Variants in NUP153 observed in about 807,000 individuals in gnomAD.
The protein encoded by NUP153 is nucleoporin 153.
NUP153 carries 27 observed loss-of-function variants against 134.6 expected under a neutral mutation model. The observed-to-expected ratio is 0.20, with a 90% CI of 0.15 to 0.28. The LOEUF (loss-of-function observed/expected upper bound fraction) is 0.28, where lower values mean the gene tolerates loss of function less well. Ranked by LOEUF, NUP153 falls within the 10% of genes least tolerant of loss-of-function variation. The pLI is 1.00. For synonymous variants in NUP153, 640 were observed against 623.5 expected, an observed-to-expected ratio of 1.03 and a Z score of -0.40; for missense variants, 1,821 against 1,731.3, an observed-to-expected ratio of 1.05 and a Z score of -0.92.
rs552750517 is a variant in NUP153 at position 17,654,351 on chromosome 6, C to T, written c.1396-5051G>A. 2.9e-3 allele frequency among the ~76,000 whole-genome samples: 441 copies of T among 150,240 alleles called. 2 individuals are homozygous for T. The highest frequency in any genetic ancestry group is 9.8e-3 in the African/African-American group (401 of 40,892). On this transcript the variant is annotated intron_variant, in intron 11 of 21. Transcript: ENST00000262077. Reference sequence around the variant, plus strand: ...TTTTTTTTTTTTTGAGACGGAGTTTCGATCTTGTTGCCCGGGCCGGACTGC... The same window carrying T: ...TTTTTTTTTTTTTGAGACGGAGTTTTGATCTTGTTGCCCGGGCCGGACTGC...
chr6:17,666,369 G>C (rs1000912656), intron 8 of NUP153, among the ~76,000 whole-genome samples: 1 of 151,992 alleles, frequency 6.6e-6, no homozygotes, highest in Admixed American at 6.6e-5. Flanking sequence ...GTAAAAATTA[G>C]CCAGGCGTGG....
rs1241422516 is a variant in NUP153, at chr6:17,625,682, G to C, written c.3901+126C>G. ...ACAGTGAATAATTAAAACAACCCTG[G>C]TATAGATGACCAAAAGGCATTCCCA... On this transcript the variant is annotated intron_variant, in intron 19 of 21. Coordinates refer to ENST00000262077, the MANE Select transcript of NUP153 (RefSeq NM_005124.4). The surrounding 1 kb of genome is among the most constrained non-coding windows in gnomAD (Gnocchi z 4.7). 4 of 722,000 alleles carry C rather than the reference G, an allele frequency of 5.5e-6. No individual in the cohort carries two copies. The South Asian group carries it at 7.0e-5, about 13-fold the overall frequency. The allele number at this position is 722,000 out of a possible 1,614,324, so 44.7% of individuals were successfully genotyped here. A position where few individuals can be genotyped will look rare whatever the true frequency, so the allele number is the denominator to read the frequency against.
At chr6:17,691,519 C>T (rs756080390) in intron 1 of NUP153, among the ~76,000 whole-genome samples, 2 of 152,200 alleles carry the variant, frequency 1.3e-5, no homozygotes, top group Non-Finnish European at 2.9e-5. Flanking sequence ...AATCTCAGCA[C>T]TTTGGGAGGC....
At chr6:17,671,833 C>T (rs1438749508) in intron 5 of NUP153, among the ~76,000 whole-genome samples, 1 of 152,060 alleles carries the variant, frequency 6.6e-6, no homozygotes, top group East Asian at 1.9e-4. Flanking sequence ...CATGGTAAAA[C>T]CCTGTCTCTA....
intron 13 of NUP153, 71 bp from the exon 14 acceptor site, chr6:17,646,225 C>G: frequency 1.3e-6 from 1 of 778,378 alleles, no homozygotes. Context: ...TTTATTCCCC[C>G]GAGACGGAGT....
intron 1 of NUP153, among the ~76,000 whole-genome samples, chr6:17,701,848 A>AGGGGGGGGGGGGG (rs1561917012): frequency 1.1e-5 from 1 of 90,276 alleles, no homozygotes; most frequent in African/African-American, 4.0e-5. Context: ...GGGGGGGAAA[A>AGGGGGGGGGGGGG]AAGCTAAATG....
intron 15 of NUP153, among the ~76,000 whole-genome samples, chr6:17,639,513 T>G (rs1453926908): frequency 6.6e-6 from 1 of 152,242 alleles, no homozygotes; most frequent in Non-Finnish European, 1.5e-5. Flanking sequence ...CTTGCTTCAA[T>G]TCAAGTGAGT....
At chr6:17,697,251 T>A (rs935297201) in intron 1 of NUP153, among the ~76,000 whole-genome samples, 6 of 152,182 alleles carry the variant, frequency 3.9e-5, no homozygotes, top group Non-Finnish European at 2.9e-5. Flanking sequence ...TGGCAAAACA[T>A]GTCAAAAATG....
At chr6:17,637,833 GATT>G (rs1219363242) in intron 15 of NUP153, 63 bp from the exon 16 acceptor site, 9 of 1,501,906 alleles carry the variant, frequency 6.0e-6, no homozygotes, top group South Asian at 2.6e-5. Context: ...GCATTAATTT[GATT>G]ATTATTACTG....
rs757863134 is a variant in NUP153, at chr6:17,616,546, G to A, written c.4324C>T (p.Pro1442Ser). The A allele has an allele frequency of 1.2e-6, 2 of 1,613,160 alleles. No individual in the cohort carries two copies. Among genetic ancestry groups the A allele is most frequent in the African/African-American group, 1.3e-5 (1 of 74,834 alleles). The change falls in exon 21 of 22, where the codon CCA becomes TCA. Residue 1442 changes from proline (P) to serine (S), a missense_variant. Coordinates refer to ENST00000262077, the MANE Select transcript of NUP153 (RefSeq NM_005124.4). ...GSGGFPFNQS[P>S]AAFTVGSNGK... The stretch of plus-strand genomic sequence containing the variant: ...TCTTACCCCACTGTAAATGCTGCTG[G>A]AGACTGGTTAAATGGAAAGCCCCCC...
intron 20 of NUP153, among the ~76,000 whole-genome samples, chr6:17,620,622 G>A (rs950752541): frequency 3.9e-5 from 6 of 152,154 alleles, no homozygotes; most frequent in African/African-American, 9.7e-5. Flanking sequence ...GCCCAGGATG[G>A]CTCTGAATGC....
In NUP153 at chr6:17,629,011, A is replaced by C; in HGVS notation, c.3188T>G (p.Phe1063Cys). 1 of 1,614,188 alleles carries C rather than the reference A, an allele frequency of 6.2e-7. No homozygotes were observed. The highest frequency in any genetic ancestry group is 1.7e-5 in the Admixed American group (1 of 60,016). Reference protein sequence around the residue: ...IETKSASVAPFTCKTSEAKKE... With the variant: ...IETKSASVAPCTCKTSEAKKE... ...TTTAGCTTCTGATGTCTTACATGTGAAAGGAGCCACTGAAGCACTCTTGGT... is the reference window on the plus strand; with the variant it reads ...TTTAGCTTCTGATGTCTTACATGTGCAAGGAGCCACTGAAGCACTCTTGGT... The change falls in exon 18 of 22, where the codon TTC becomes TGC. Residue 1063 changes from phenylalanine (F) to cysteine (C), a missense_variant. Phe to Cys is a radical substitution (Grantham distance 205). Transcript: ENST00000262077.
chr6:17,621,091 C>G (rs1365244777), intron 20 of NUP153, among the ~76,000 whole-genome samples: 1 of 152,114 alleles, frequency 6.6e-6, no homozygotes, highest in Non-Finnish European at 1.5e-5. Flanking sequence ...ACACAACACA[C>G]AAATGGCCAA....
chr6:17,672,019 A>G (rs1022581688), intron 5 of NUP153, among the ~76,000 whole-genome samples: 1 of 152,100 alleles, frequency 6.6e-6, no homozygotes, highest in Non-Finnish European at 1.5e-5. Flanking sequence ...AAAATAAAAA[A>G]AGCAATTCCA....
intron 9 of NUP153, among the ~76,000 whole-genome samples, chr6:17,663,344 C>T (rs929688098): frequency 6.6e-6 from 1 of 151,852 alleles, no homozygotes; most frequent in Non-Finnish European, 1.5e-5. Flanking sequence ...TCACTTTAGC[C>T]TCGAACTCCT....
At chr6:17,627,332 A>C (rs1764994534) in intron 18 of NUP153, among the ~76,000 whole-genome samples, 1 of 152,262 alleles carries the variant, frequency 6.6e-6, no homozygotes, top group Non-Finnish European at 1.5e-5. Flanking sequence ...AATATATAAC[A>C]GACAAAAAAC....
At chr6:17,684,695 A>C (rs1193531603) in intron 2 of NUP153, among the ~76,000 whole-genome samples, 2 of 152,178 alleles carry the variant, frequency 1.3e-5, no homozygotes, top group Admixed American at 1.3e-4. Context: ...TGCCTTCCTC[A>C]CTAAACTTAC....
intron 15 of NUP153, 46 bp downstream of exon 15, chr6:17,639,893 A>C: frequency 2.0e-6 from 3 of 1,537,192 alleles, no homozygotes; most frequent in Non-Finnish European, 2.6e-6. Flanking sequence ...CATTAAATTG[A>C]GATCATGAGT....
intron 17 of NUP153, among the ~76,000 whole-genome samples, chr6:17,629,802 T>C (rs986802165): frequency 9.9e-5 from 15 of 152,210 alleles, no homozygotes; most frequent in African/African-American, 3.1e-4. Context: ...AAGTTTGTAC[T>C]AGTGATGAGA....
Sources: allele counts gnomAD v4.1 joint callset (sites outside exome capture counted in the v4.1 genomes callset), GRCh38; gene constraint gnomAD v4.1.1; non-coding constraint Gnocchi (gnomAD v3.1); transcripts MANE v1.5; gene names NCBI Gene and HGNC (gene_info 2026-07-23, HGNC 2026-07-21).